Variants in GFOD1 observed in about 807,000 individuals in gnomAD.
GFOD1 encodes glucose-fructose oxidoreductase domain-containing protein 1.
Under a neutral mutation model 25.4 loss-of-function variants are expected in GFOD1, and 9 were observed. That is an observed-to-expected ratio of 0.35 (90% CI 0.21 to 0.62). The LOEUF (loss-of-function observed/expected upper bound fraction) is 0.62. Ranked by LOEUF, GFOD1 falls within the 20% of genes least tolerant of loss-of-function variation. GFOD1 has a pLI of 0.72. For missense variants in GFOD1, 403 were observed against 556.9 expected (o/e 0.72, Z 2.78); for synonymous variants, 253 against 245.6 (o/e 1.03, Z -0.28).
At chr6:13,413,108 C>T (rs552059) in intron 1 of GFOD1, among the ~76,000 whole-genome samples, 141,570 of 152,122 alleles carry the variant, frequency 0.93, 66,758 homozygotes, top group East Asian at 1. Context: ...CGCTGGAGTG[C>T]CTGCACCCTA....
At chr6:13,445,868 T>C (rs967008245) in intron 1 of GFOD1, among the ~76,000 whole-genome samples, 1 of 152,216 alleles carries the variant, frequency 6.6e-6, no homozygotes, top group Admixed American at 6.5e-5. Context: ...TCAGCTGTCC[T>C]ACACCTCTCA....
intron 1 of GFOD1, among the ~76,000 whole-genome samples, chr6:13,396,249 A>C (rs905385491): frequency 1.3e-5 from 2 of 152,152 alleles, no homozygotes; most frequent in Non-Finnish European, 2.9e-5. Flanking sequence ...TTCCCTGCAG[A>C]TCTCTACCTC....
At chr6:13,437,041 A>C (rs1304647409) in intron 1 of GFOD1, among the ~76,000 whole-genome samples, 1 of 152,196 alleles carries the variant, frequency 6.6e-6, no homozygotes, top group Non-Finnish European at 1.5e-5. Flanking sequence ...AGTTGTGTTT[A>C]TCTCCTAAAA....
rs192209385 is a variant in GFOD1 at position 13,406,310 on chromosome 6, C to T, written c.254-40648G>A. Among the ~76,000 whole-genome samples, 419 of 152,244 alleles carry T rather than the reference C, an allele frequency of 2.8e-3. 3 individuals carry two copies. Among genetic ancestry groups the T allele is most frequent in the Non-Finnish European group, 1.7e-3 (116 of 68,012 alleles). On this transcript the variant is annotated intron_variant, in intron 1 of 1. Coordinates refer to ENST00000379287, the MANE Select transcript of GFOD1 (RefSeq NM_018988.4). ...CTCTGGCTAATGGAAAATGAAACGC[C>T]GTTTGCTGTTTGTTTACCACATTAC...
intron 1 of GFOD1, among the ~76,000 whole-genome samples, chr6:13,458,678 A>G (rs1758235121): frequency 1.4e-5 from 2 of 145,936 alleles, no homozygotes; most frequent in African/African-American, 2.5e-5. Flanking sequence ...AGGGACAAAA[A>G]TATGCTGATA....
At chr6:13,372,884 A>G (rs1444215335) in intron 1 of GFOD1, among the ~76,000 whole-genome samples, 1 of 152,130 alleles carries the variant, frequency 6.6e-6, no homozygotes, top group African/African-American at 2.4e-5. Flanking sequence ...ACAGCCCCTT[A>G]TCTTCTAGAA....
Position 13,364,363 on chromosome 6 carries a change from G to A in GFOD1, c.*380C>T. The A allele has an allele frequency of 4.6e-6, 1 of 217,824 alleles. No homozygotes were observed. Among genetic ancestry groups the A allele is most frequent in the Non-Finnish European group, 9.2e-6 (1 of 108,514 alleles). 13.5% of individuals were successfully genotyped at this position (217,824 alleles called of 1,614,324 possible). ...CATCTGATACTAGTGCCTTGACCTTGCAGAACCACTTGGCTTGCAGAAGGC... is the reference window on the plus strand; with the variant it reads ...CATCTGATACTAGTGCCTTGACCTTACAGAACCACTTGGCTTGCAGAAGGC... On this transcript the variant is annotated 3_prime_UTR_variant, in exon 2 of 2. Coordinates refer to ENST00000379287, the MANE Select transcript of GFOD1 (RefSeq NM_018988.4). The surrounding 1 kb of genome is among the most constrained non-coding windows in gnomAD (Gnocchi z 4.1).
chr6:13,417,282 T>C (rs1388040536), intron 1 of GFOD1, among the ~76,000 whole-genome samples: 3 of 152,136 alleles, frequency 2.0e-5, no homozygotes, highest in South Asian at 2.1e-4. Flanking sequence ...GCCTCCCAAA[T>C]AGCTGGGACT....
intron 1 of GFOD1, among the ~76,000 whole-genome samples, chr6:13,419,746 C>G (rs1036104253): frequency 1.5e-4 from 23 of 152,194 alleles, no homozygotes; most frequent in African/African-American, 4.8e-4. Flanking sequence ...GACACGGAAA[C>G]CCACTCCCAC....
chr6:13,444,682 T>TA (rs950951627), intron 1 of GFOD1, among the ~76,000 whole-genome samples: 7 of 152,128 alleles, frequency 4.6e-5, no homozygotes, highest in South Asian at 2.1e-4. Flanking sequence ...AACTTAAAAA[T>TA]AAAAAAAATT....
At chr6:13,437,193 A>G (rs1757846997) in intron 1 of GFOD1, among the ~76,000 whole-genome samples, 2 of 152,300 alleles carry the variant, frequency 1.3e-5, no homozygotes, top group Admixed American at 1.3e-4. Context: ...AGCTCTCCCA[A>G]TACCCAACCT....
chr6:13,470,484 C>T (rs1758476278), intron 1 of GFOD1: 1 of 1,549,996 alleles, frequency 6.5e-7, no homozygotes, highest in South Asian at 1.2e-5. Context: ...CCCTGGGACT[C>T]TCCAAGAGCA....
At chr6:13,382,819 C>A (rs920657603) in intron 1 of GFOD1, among the ~76,000 whole-genome samples, 2 of 152,144 alleles carry the variant, frequency 1.3e-5, no homozygotes, top group Admixed American at 1.3e-4. Context: ...TCTCCCTCCC[C>A]CAACCCTACT....
intron 1 of GFOD1, among the ~76,000 whole-genome samples, chr6:13,393,286 G>A (rs1044738085): frequency 2.7e-5 from 4 of 147,992 alleles, no homozygotes; most frequent in African/African-American, 1.0e-4. Context: ...AACCCGAGAG[G>A]CAGAGGTTGC....
Position 13,437,076 on chromosome 6 carries a change from T to G in GFOD1, c.253+49562A>C, listed in dbSNP as rs562585927. ...ACCACTTTCAGAGGGAAAGTGTGAG[T>G]AAGGTATGAGAAAAAGGGAAAGGCT... On this transcript the variant is annotated intron_variant, in intron 1 of 1. Coordinates refer to ENST00000379287, the MANE Select transcript of GFOD1 (RefSeq NM_018988.4). Among the ~76,000 whole-genome samples, 9 of 152,138 alleles carry G rather than the reference T, an allele frequency of 5.9e-5. 2 individuals are homozygous for G. In the East Asian group the frequency reaches 1.7e-3, roughly 29 times the overall value.
At chr6:13,438,417 T>C (rs1437082726) in intron 1 of GFOD1, among the ~76,000 whole-genome samples, 1 of 152,172 alleles carries the variant, frequency 6.6e-6, no homozygotes, top group Non-Finnish European at 1.5e-5. Context: ...ACACAGACTT[T>C]TACTATAGCC....
intron 1 of GFOD1, among the ~76,000 whole-genome samples, chr6:13,457,276 T>C (rs1758205662): frequency 6.6e-6 from 1 of 152,166 alleles, no homozygotes; most frequent in South Asian, 2.1e-4. Flanking sequence ...AATGGAGGGA[T>C]GGTGTCTAGA....
intron 1 of GFOD1, among the ~76,000 whole-genome samples, chr6:13,447,664 C>G (rs548605611): frequency 3.7e-5 from 5 of 136,866 alleles, no homozygotes; most frequent in Non-Finnish European, 6.1e-5. Flanking sequence ...TCACTTGCAC[C>G]CGGGAGGTAG....
intron 1 of GFOD1, among the ~76,000 whole-genome samples, chr6:13,366,058 T>C (rs1785041700): frequency 6.6e-6 from 1 of 151,476 alleles, no homozygotes; most frequent in Non-Finnish European, 1.5e-5. Context: ...TTCTGGCCAC[T>C]GCACTCCAGC....
Sources: gnomAD v4.1 joint callset for allele counts (sites outside exome capture counted in the v4.1 genomes callset) on GRCh38, gnomAD v4.1.1 for gene constraint, Gnocchi (gnomAD v3.1) non-coding constraint, MANE v1.5 for transcripts, NCBI Gene and HGNC (gene_info 2026-07-23, HGNC 2026-07-21) for gene names.